FLYWCH1: variants seen among roughly 807,000 people sequenced by gnomAD.
The protein encoded by FLYWCH1 is FLYWCH-type zinc finger 1, also known as FLYWCH-type zinc finger-containing protein 1.
In FLYWCH1, 75 loss-of-function variants were observed where a neutral mutation model predicts 66.4. The observed-to-expected ratio is 1.13, with a 90% CI of 0.94 to 1.37. FLYWCH1 has a LOEUF of 1.37. Ranked by LOEUF, FLYWCH1 falls within the 40% of genes most tolerant of loss-of-function variation. FLYWCH1 has a pLI of 0.00. For synonymous variants in FLYWCH1, 595 were observed against 429.9 expected, an observed-to-expected ratio of 1.38 and a Z score of -4.75; for missense variants, 1,334 against 1,001.8, an observed-to-expected ratio of 1.33 and a Z score of -4.48.
At chr16:2,925,580 G>GC (rs1567326690) in intron 2 of FLYWCH1, among the ~76,000 whole-genome samples, 7 of 124,814 alleles carry the variant, frequency 5.6e-5, no homozygotes, top group South Asian at 5.7e-4. Flanking sequence ...GTTGCGGGGG[G>GC]AGGGGGGTAC....
At chr16:2,939,889 C>T (rs560665165) in intron 8 of FLYWCH1, 143 bp from the exon 9 acceptor site, 24 of 858,392 alleles carry the variant, frequency 2.8e-5, no homozygotes, top group East Asian at 2.0e-4. Context: ...GTAATTGATG[C>T]GTTGAATTCC....
intron 9 of FLYWCH1, among the ~76,000 whole-genome samples, chr16:2,942,785 GGTGT>G (rs2071325928): frequency 7.2e-6 from 1 of 138,596 alleles, no homozygotes; most frequent in Non-Finnish European, 1.5e-5. Flanking sequence ...GGAGTGCAGT[GGTGT>G]GATCTTGGCT....
intron 9 of FLYWCH1, among the ~76,000 whole-genome samples, chr16:2,940,851 G>T (rs1350420438): frequency 1.4e-4 from 4 of 27,888 alleles, no homozygotes; most frequent in Admixed American, 4.6e-4. Context: ...CACTTTGGGA[G>T]GCCAAGGCAG....
Position 2,933,258 on chromosome 16 carries a change from C to T in FLYWCH1, c.925C>T (p.Leu309=), listed in dbSNP as rs747322764. 37 of 1,613,360 alleles carry T rather than the reference C, an allele frequency of 2.3e-5. No homozygotes were observed. Among genetic ancestry groups the T allele is most frequent in the Admixed American group, 1.7e-4 (10 of 59,966 alleles). ...GTATTGGACCTGCCGGGACCACGCG[C>T]TGCACGGCTGCCGGAGCCGGGCCAT... ...KVYWTCRDHA[L]HGCRSRAITQ... The change falls in exon 5 of 10, where the codon CTG becomes TTG. Residue 309 remains leucine (L), a synonymous_variant. Transcript: ENST00000253928.
chr16:2,926,918 C>G (rs11644538), intron 2 of FLYWCH1, among the ~76,000 whole-genome samples: 4,226 of 152,284 alleles, frequency 0.028, 91 homozygotes, highest in Middle Eastern at 0.078. Context: ...TAGACAAGTA[C>G]AAACCCCAAG....
chr16:2,934,008 C>A (rs1208252115), intron 6 of FLYWCH1, 29 bp downstream of exon 6: 5 of 1,493,378 alleles, frequency 3.3e-6, no homozygotes, highest in African/African-American at 1.4e-5. Context: ...GGAGCTGGGC[C>A]CCAGGAAGCA....
chr16:2,925,690 G>GGGGCGGCATGAGTAGGCCCAGAA (rs2070541618), intron 2 of FLYWCH1, among the ~76,000 whole-genome samples: 1 of 152,116 alleles, frequency 6.6e-6, no homozygotes, highest in Non-Finnish European at 1.5e-5. Flanking sequence ...GTCACCCTGT[G>GGGGCGGCATGAGTAGGCCCAGAA]GGGCGGCATG....
intron 6 of FLYWCH1, chr16:2,934,947 G>A (rs1333216287): frequency 3.1e-5 from 5 of 163,546 alleles, no homozygotes; most frequent in South Asian, 1.9e-4. Flanking sequence ...TCTTTGAGAC[G>A]GAGTCTTGCT....
At chr16:2,929,476 AG>A in intron 2 of FLYWCH1, 136 bp from the exon 3 acceptor site, 1 of 632,456 alleles carries the variant, frequency 1.6e-6, no homozygotes, top group Non-Finnish European at 2.7e-6. Flanking sequence ...GCAGAAGCCT[AG>A]TTCCATCAGG....
chr16:2,928,401 T>G (rs899310736), intron 2 of FLYWCH1, among the ~76,000 whole-genome samples: 2 of 152,154 alleles, frequency 1.3e-5, no homozygotes, highest in African/African-American at 4.8e-5. Context: ...GGACAATACC[T>G]AGGCTTTCTT....
At position 2,933,122 on chromosome 16, in the gene FLYWCH1, T is replaced by G. The variant is rs147737914; in HGVS notation, c.797-8T>G. ...CTGGTGATGTGACCACTTGGGTCTC[T>G]CCTCTAGGACAGGCCCGGCCCCTCG... On this transcript the variant is annotated splice_region_variant and splice_polypyrimidine_tract_variant and intron_variant, in intron 4 of 9. Transcript: ENST00000253928. 3 of 1,609,504 alleles carry G rather than the reference T, an allele frequency of 1.9e-6. No individual in the cohort carries two copies. Among genetic ancestry groups the G allele is most frequent in the South Asian group, 2.2e-5 (2 of 90,428 alleles).
rs2071111626 is a variant in FLYWCH1, at chr16:2,938,411, A to G, written c.2005A>G (p.Arg669Gly). 1 of 1,539,216 alleles carries G rather than the reference A, an allele frequency of 6.5e-7. No homozygotes were observed. Among genetic ancestry groups the G allele is most frequent in the Non-Finnish European group, 8.8e-7 (1 of 1,142,752 alleles). Residue 669 changes from arginine (R) to glycine (G), a missense_variant, in exon 8 of 10, where the codon AGG becomes GGG. By Grantham distance (125) the Arg-to-Gly change is moderately radical (BLOSUM62 -2). Coordinates refer to ENST00000253928, the MANE Select transcript of FLYWCH1 (RefSeq NM_001308068.2). ...TGACCTGGCAGGCCTGGAGGCCTTG[A>G]GGCAACGGGAGCGGCTCCCCACCAC... is the stretch of plus-strand genomic sequence containing the variant. ...QPDLAGLEALRQRERLPTTAQ... is the reference protein window; with the variant it reads ...QPDLAGLEALGQRERLPTTAQ...
At chr16:2,933,644 G>C in intron 5 of FLYWCH1, 62 bp downstream of exon 5, 1 of 1,562,758 alleles carries the variant, frequency 6.4e-7, no homozygotes, top group Non-Finnish European at 8.7e-7. Flanking sequence ...AGAGGTCCAG[G>C]GAGGGAAGGG....
intron 2 of FLYWCH1, among the ~76,000 whole-genome samples, chr16:2,921,082 C>T (rs1387727327): frequency 9.9e-5 from 15 of 152,124 alleles, no homozygotes. Context: ...ACCCCGTGAT[C>T]TGCCCGCCTC....
intron 9 of FLYWCH1, among the ~76,000 whole-genome samples, chr16:2,947,876 A>AG (rs1370359702): frequency 1.3e-5 from 2 of 151,844 alleles, no homozygotes; most frequent in Non-Finnish European, 2.9e-5. Context: ...TCTACAAAAA[A>AG]AAATTTTTTT....
chr16:2,922,872 A>C (rs2070423775), intron 2 of FLYWCH1: 3 of 523,308 alleles, frequency 5.7e-6, no homozygotes, highest in African/African-American at 3.9e-5. Flanking sequence ...TTCATGGCAG[A>C]CTCAGTGGTC....
At chr16:2,921,668 G>T (rs2070380097) in intron 2 of FLYWCH1, among the ~76,000 whole-genome samples, 1 of 152,100 alleles carries the variant, frequency 6.6e-6, no homozygotes, top group Admixed American at 6.6e-5. Flanking sequence ...AGGCTGAGGT[G>T]GGAAGATGGC....
At chr16:2,939,248 C>G (rs2071156643) in intron 8 of FLYWCH1, among the ~76,000 whole-genome samples, 1 of 152,108 alleles carries the variant, frequency 6.6e-6, no homozygotes, top group Admixed American at 6.5e-5. Flanking sequence ...GAGTTCGAGA[C>G]CATCCTGATC....
Position 2,933,515 on chromosome 16 carries a change from C to T in FLYWCH1, c.1182C>T (p.Val394=), listed in dbSNP as rs61747747. The change falls in exon 5 of 10, where the codon GTC becomes GTT. Residue 394 remains valine, a synonymous_variant. Coordinates refer to ENST00000253928, the MANE Select transcript of FLYWCH1 (RefSeq NM_001308068.2). The stretch of plus-strand genomic sequence containing the variant: ...CTCGGCCCAGAAAGCGAGCAAAGGT[C>T]GAAGACCAGGAGCTGCCAACCCAGC... The part of the protein sequence containing the change: ...TRPRPRKRAK[V]EDQELPTQPE... The T allele has an allele frequency of 0.059, 94,980 of 1,611,734 alleles. 3,057 individuals carry two copies. Among genetic ancestry groups the T allele is most frequent in the Middle Eastern group, 0.096 (579 of 6,054 alleles).
Sources: gnomAD v4.1 joint callset for allele counts (sites outside exome capture counted in the v4.1 genomes callset) on GRCh38, gnomAD v4.1.1 for gene constraint, MANE v1.5 for transcripts, NCBI Gene and HGNC (gene_info 2026-07-23, HGNC 2026-07-21) for gene names.